Variants in TBC1D19 observed in about 807,000 individuals in gnomAD.
TBC1D19 encodes the protein TBC1 domain family, member 19.
TBC1D19 carries 60 observed loss-of-function variants against 89.0 expected under a neutral mutation model. The ratio of observed to expected loss-of-function variants is 0.67; its 90% confidence interval spans 0.55 to 0.84. TBC1D19 has a LOEUF of 0.84. TBC1D19 is among the 40% of genes least tolerant of loss of function. TBC1D19 has a pLI of 0.00. For synonymous variants in TBC1D19, 189 were observed against 199.7 expected, an observed-to-expected ratio of 0.95 and a Z score of 0.45; for missense variants, 500 against 610.8, an observed-to-expected ratio of 0.82 and a Z score of 1.91.
At chr4:26,638,425 T>G (rs928727066) in intron 5 of TBC1D19, among the ~76,000 whole-genome samples, 1 of 148,334 alleles carries the variant, frequency 6.7e-6, no homozygotes, top group Admixed American at 6.6e-5. Context: ...TCTTGGCCAG[T>G]CCCCCTTGTG....
At chr4:26,757,541 T>C (rs1719317035), downstream of TBC1D19, among the ~76,000 whole-genome samples, 1 of 152,224 alleles carries the variant, frequency 6.6e-6, no homozygotes, top group African/African-American at 2.4e-5. Flanking sequence ...ATGTGATATG[T>C]TATGACTTTA....
At chr4:26,650,924 C>T (rs1039603683) in intron 7 of TBC1D19, among the ~76,000 whole-genome samples, 27 of 152,080 alleles carry the variant, frequency 1.8e-4, no homozygotes, top group Non-Finnish European at 3.4e-4. Flanking sequence ...AGTTTCAGCT[C>T]TCTACATATG....
Position 26,620,656 on chromosome 4 carries a change from A to G in TBC1D19, c.262A>G (p.Lys88Glu). The G allele has an allele frequency of 1.9e-6, 3 of 1,613,734 alleles. No homozygotes were observed. Among genetic ancestry groups the G allele is most frequent in the South Asian group, 2.2e-5 (2 of 91,014 alleles). ...TCCTGCTGCACCTCCTGAACATCTTAAAGAACCTTTGGTATACATGAGGAA... is the reference window on the plus strand; with the variant it reads ...TCCTGCTGCACCTCCTGAACATCTTGAAGAACCTTTGGTATACATGAGGAA... ...SHPAAPPEHL[K>E]EPLVYMRKAQ... Residue 88 changes from lysine (K) to glutamate (E), a missense_variant, in exon 4 of 21, where the codon AAA (lysine) becomes GAA (glutamate). Physicochemically the swap from Lys to Glu is moderately conservative, Grantham distance 56. Coordinates refer to ENST00000264866, the MANE Select transcript of TBC1D19 (RefSeq NM_018317.4).
At chr4:26,856,635 CTTAT>C in the TBC1D19 span, among the ~76,000 whole-genome samples, 4 of 152,320 alleles carry the variant, frequency 2.6e-5, no homozygotes, top group Middle Eastern at 3.4e-3. Flanking sequence ...CTCATCAACA[CTTAT>C]TTGTCTTTTT....
chr4:26,658,728 T>G (rs1745038788), intron 7 of TBC1D19, among the ~76,000 whole-genome samples: 1 of 152,214 alleles, frequency 6.6e-6, no homozygotes, highest in Non-Finnish European at 1.5e-5. Context: ...CATGGAATGT[T>G]TTTCCATTTG....
intron 13 of TBC1D19, among the ~76,000 whole-genome samples, chr4:26,696,065 C>T (rs10011840): frequency 0.043 from 6,484 of 152,210 alleles, 470 homozygotes; most frequent in African/African-American, 0.15. Context: ...CAGACTAGCA[C>T]ATTGGGTAAA....
intron 7 of TBC1D19, among the ~76,000 whole-genome samples, chr4:26,655,362 A>G (rs1428013801): frequency 1.3e-5 from 2 of 152,164 alleles, no homozygotes; most frequent in African/African-American, 4.8e-5. Flanking sequence ...TCAGATCTCA[A>G]GCTGCGTGCT....
chr4:26,694,704 G>A (rs1308248259), intron 13 of TBC1D19, among the ~76,000 whole-genome samples: 1 of 152,158 alleles, frequency 6.6e-6, no homozygotes, highest in African/African-American at 2.4e-5. Flanking sequence ...GCTTCCAGAG[G>A]AATGATCAGG....
intron 7 of TBC1D19, among the ~76,000 whole-genome samples, chr4:26,653,794 T>G (rs1744583754): frequency 6.6e-6 from 1 of 152,202 alleles, no homozygotes; most frequent in East Asian, 1.9e-4. Context: ...GTCTCCTGAA[T>G]ACAGCACACT....
chr4:26,665,953 C>A (rs989224200), intron 8 of TBC1D19, among the ~76,000 whole-genome samples: 2 of 151,902 alleles, frequency 1.3e-5, no homozygotes, highest in African/African-American at 4.8e-5. Context: ...AGAAGTAAAA[C>A]TTTTATTAGG....
intron 13 of TBC1D19, among the ~76,000 whole-genome samples, chr4:26,708,038 G>A (rs1209932150): frequency 1.3e-5 from 2 of 151,976 alleles, no homozygotes; most frequent in East Asian, 3.9e-4. Flanking sequence ...ACAAACCTTT[G>A]TTACAATAGT....
At chr4:26,581,081 A>G (rs1739052938), upstream of TBC1D19, among the ~76,000 whole-genome samples, 1 of 152,200 alleles carries the variant, frequency 6.6e-6, no homozygotes, top group South Asian at 2.1e-4. Flanking sequence ...CTCTTTGTAT[A>G]GTTTTAACTA....
chr4:26,842,629 TTTCTTTCTTTCTTTC>T, the TBC1D19 span, among the ~76,000 whole-genome samples: 1 of 146,694 alleles, frequency 6.8e-6, no homozygotes, highest in African/African-American at 2.6e-5. Context: ...TCTTTCTTTC[TTTCTTTCTTTCTTTC>T]TTTTTCTTTC....
At chr4:26,716,816 T>A (rs904797287) in intron 13 of TBC1D19, among the ~76,000 whole-genome samples, 31 of 150,862 alleles carry the variant, frequency 2.1e-4, no homozygotes, top group African/African-American at 7.0e-4. Flanking sequence ...AAATTAATCT[T>A]TTTTTTTTAA....
chr4:26,835,394 G>C, the TBC1D19 span, among the ~76,000 whole-genome samples: 1 of 152,188 alleles, frequency 6.6e-6, no homozygotes. Context: ...CTGACATCCA[G>C]ACCTATAAGA....
chr4:26,841,809 G>A, the TBC1D19 span, among the ~76,000 whole-genome samples: 8 of 152,238 alleles, frequency 5.3e-5, no homozygotes, highest in African/African-American at 1.4e-4. Flanking sequence ...GACACCATCC[G>A]GGGTCAAGCC....
At chr4:26,762,606 A>G in the TBC1D19 span, among the ~76,000 whole-genome samples, 2 of 152,194 alleles carry the variant, frequency 1.3e-5, no homozygotes, top group African/African-American at 4.8e-5. Flanking sequence ...CCTCAAAGAT[A>G]TTCATGTTCT....
intron 13 of TBC1D19, among the ~76,000 whole-genome samples, chr4:26,693,914 C>T (rs1022017281): frequency 5.3e-5 from 8 of 152,026 alleles, no homozygotes; most frequent in Admixed American, 6.6e-5. Context: ...AATTGTCATT[C>T]AGCAGTTCCA....
chr4:26,602,654 A>G (rs1345919775), intron 1 of TBC1D19, among the ~76,000 whole-genome samples: 3 of 151,770 alleles, frequency 2.0e-5, no homozygotes, highest in African/African-American at 7.3e-5. Flanking sequence ...GTTAGCCAGG[A>G]TGGTCTCAAT....
Sources: allele counts gnomAD v4.1 joint callset (sites outside exome capture counted in the v4.1 genomes callset), GRCh38; gene constraint gnomAD v4.1.1; transcripts MANE v1.5; gene names NCBI Gene and HGNC (gene_info 2026-07-23, HGNC 2026-07-21).